The following AHCYL2 variants were observed in gnomAD, a reference collection of about 807,000 sequenced individuals.
The protein encoded by AHCYL2 is adenosylhomocysteinase like 2, also known as S-adenosylhomocysteine hydrolase-like protein 2.
In AHCYL2, 28 loss-of-function variants were observed where a neutral mutation model predicts 81.4. That is an observed-to-expected ratio of 0.34 (90% CI 0.25 to 0.47). The LOEUF (loss-of-function observed/expected upper bound fraction) is 0.47. AHCYL2 is among the 20% of genes least tolerant of loss of function. The pLI is 1.00. For synonymous variants in AHCYL2, 272 were observed against 290.2 expected, an observed-to-expected ratio of 0.94 and a Z score of 0.64; for missense variants, 551 against 785.1, an observed-to-expected ratio of 0.70 and a Z score of 3.56.
intron 2 of AHCYL2, among the ~76,000 whole-genome samples, chr7:129,381,404 G>A (rs993590004): frequency 6.6e-6 from 1 of 152,140 alleles, no homozygotes; most frequent in Non-Finnish European, 1.5e-5. Flanking sequence ...TAGTGGCTTG[G>A]CATAGCTCAT....
Position 129,413,609 on chromosome 7 carries a change from T to C in AHCYL2, c.1382T>C (p.Val461Ala), listed in dbSNP as rs749082333. ...VITCTGNKNV[V>A]TREHLDRMKN... Reference sequence around the variant, plus strand: ...TGTTTTTAAGGTAACAAGAATGTGGTAACCAGAGAGCACTTGGACCGTATG... The same window carrying C: ...TGTTTTTAAGGTAACAAGAATGTGGCAACCAGAGAGCACTTGGACCGTATG... Residue 461 changes from valine (V) to alanine (A), a missense_variant, in exon 12 of 17, where the codon GTA (valine) becomes GCA (alanine). By Grantham distance (64) the Val-to-Ala change is moderately conservative. Coordinates refer to ENST00000325006, the MANE Select transcript of AHCYL2 (RefSeq NM_015328.4). The C allele has an allele frequency of 4.3e-6, 7 of 1,613,972 alleles. No homozygotes were observed. The highest frequency in any genetic ancestry group is 1.6e-4 in the Middle Eastern group (1 of 6,084).
chr7:129,386,527 TTAACTG>T (rs1416780754), intron 2 of AHCYL2, among the ~76,000 whole-genome samples: 6 of 152,120 alleles, frequency 3.9e-5, no homozygotes, highest in Non-Finnish European at 1.5e-5. Context: ...ATTGGTTGAA[TTAACTG>T]TAACTACTTG....
chr7:129,394,835 A>G (rs1166531798), intron 4 of AHCYL2, among the ~76,000 whole-genome samples: 7 of 152,200 alleles, frequency 4.6e-5, no homozygotes, highest in African/African-American at 1.7e-4. Flanking sequence ...ATCCTTTAAC[A>G]TAAACATATT....
intron 1 of AHCYL2, among the ~76,000 whole-genome samples, chr7:129,252,416 T>G (rs1213882302): frequency 6.6e-6 from 1 of 152,236 alleles, no homozygotes; most frequent in African/African-American, 2.4e-5. Flanking sequence ...TCCTTTGGCT[T>G]AAAACCTACT....
Position 129,241,923 on chromosome 7 carries a change from C to G in AHCYL2, c.363+16484C>G, listed in dbSNP as rs1027849458. Among the ~76,000 whole-genome samples, 12 of 151,632 alleles carry G rather than the reference C, an allele frequency of 7.9e-5. No individual in the cohort carries two copies. The South Asian group carries it at 1.9e-3, about 24-fold the overall frequency. ...GTGTATTCCTTCTCTATTCATTCTCCTTTATCCCTTCTCTCCTTCCCATAA... is the reference window on the plus strand; with the variant it reads ...GTGTATTCCTTCTCTATTCATTCTCGTTTATCCCTTCTCTCCTTCCCATAA... On this transcript the variant is annotated intron_variant, in intron 1 of 16. Transcript: ENST00000325006.
intron 1 of AHCYL2, among the ~76,000 whole-genome samples, chr7:129,337,331 A>G (rs1798638222): frequency 6.6e-6 from 1 of 152,310 alleles, no homozygotes; most frequent in South Asian, 2.1e-4. Context: ...CAAAACATAT[A>G]TAGCTGCCTT....
chr7:129,348,320 A>AGGGGGAAAAG (rs1302662679), intron 1 of AHCYL2, among the ~76,000 whole-genome samples: 4 of 152,092 alleles, frequency 2.6e-5, no homozygotes, highest in African/African-American at 7.2e-5. Flanking sequence ...CTTCAAGATA[A>AGGGGGAAAAG]TGTTGAGGGG....
At chr7:129,251,138 A>G (rs1376822570) in intron 1 of AHCYL2, among the ~76,000 whole-genome samples, 6 of 152,174 alleles carry the variant, frequency 3.9e-5, no homozygotes, top group African/African-American at 1.4e-4. Flanking sequence ...ATCTATTCCC[A>G]TAAGATCCAC....
At chr7:129,326,069 A>G (rs1183460811) in intron 1 of AHCYL2, among the ~76,000 whole-genome samples, 1 of 151,940 alleles carries the variant, frequency 6.6e-6, no homozygotes, top group Non-Finnish European at 1.5e-5. Flanking sequence ...AATGTCTAAG[A>G]TTTTCTTCCT....
chr7:129,348,603 T>A (rs183888842), intron 1 of AHCYL2, among the ~76,000 whole-genome samples: 1 of 152,194 alleles, frequency 6.6e-6, no homozygotes, highest in Non-Finnish European at 1.5e-5. Flanking sequence ...ACCTATCTTA[T>A]GGGATTATCA....
intron 5 of AHCYL2, among the ~76,000 whole-genome samples, chr7:129,397,543 C>T (rs1795804744): frequency 6.6e-6 from 1 of 152,166 alleles, no homozygotes; most frequent in African/African-American, 2.4e-5. Flanking sequence ...CTACCTATGT[C>T]TAATATTCTA....
In AHCYL2 at chr7:129,387,222, C is replaced by T. The variant is rs545842896; in HGVS notation, c.476-1834C>T. Reference sequence around the variant, plus strand: ...TTTCTTTTTTGACTCACTGACTAGACTGAAAACTCCATGAAGATAAGGACC... The same window carrying T: ...TTTCTTTTTTGACTCACTGACTAGATTGAAAACTCCATGAAGATAAGGACC... On this transcript the variant is annotated intron_variant, in intron 2 of 16. Transcript: ENST00000325006. Among the ~76,000 whole-genome samples the T allele has an allele frequency of 3.9e-5, 6 of 152,346 alleles. No homozygotes were observed. The East Asian group carries it at 1.2e-3, about 29-fold the overall frequency.
chr7:129,415,056 C>G (rs1422695841), intron 12 of AHCYL2, among the ~76,000 whole-genome samples: 3 of 152,158 alleles, frequency 2.0e-5, no homozygotes, highest in African/African-American at 7.2e-5. Context: ...GTGGTATGGC[C>G]TTATTACTCT....
chr7:129,299,303 A>G (rs2150759740), intron 1 of AHCYL2, among the ~76,000 whole-genome samples: 1 of 144,350 alleles, frequency 6.9e-6, no homozygotes, highest in East Asian at 2.0e-4. Context: ...ACAAAAAACT[A>G]TCCGGGCATA....
intron 1 of AHCYL2, among the ~76,000 whole-genome samples, chr7:129,271,626 C>T (rs990718024): frequency 1.3e-5 from 2 of 151,960 alleles, no homozygotes; most frequent in African/African-American, 2.4e-5. Flanking sequence ...AACCCGGGTG[C>T]GGGTAACATT....
At chr7:129,417,775 A>G (rs1796927358) in intron 12 of AHCYL2, among the ~76,000 whole-genome samples, 1 of 152,200 alleles carries the variant, frequency 6.6e-6, no homozygotes, top group Admixed American at 6.5e-5. Context: ...TGTTTAGCAA[A>G]TTTATATTGA....
chr7:129,424,766 G>A, intron 13 of AHCYL2, 108 bp from the exon 14 acceptor site: 1 of 1,143,836 alleles, frequency 8.7e-7, no homozygotes. Flanking sequence ...TTCCAGCAGT[G>A]TTAGTCAGGA....
chr7:129,251,397 TTAGTG>T (rs1162826867), intron 1 of AHCYL2, among the ~76,000 whole-genome samples: 1 of 151,372 alleles, frequency 6.6e-6, no homozygotes, highest in African/African-American at 2.4e-5. Flanking sequence ...AGAGAAGTGA[TTAGTG>T]TAAACTGGCT....
Position 129,368,111 on chromosome 7 carries a change from T to G in AHCYL2, c.364-11527T>G, listed in dbSNP as rs1322923476. 9.8e-7 allele frequency: 1 copy of G among 1,022,602 alleles called. No individual in the cohort carries two copies. Among genetic ancestry groups the G allele is most frequent in the Non-Finnish European group, 1.2e-6 (1 of 853,732 alleles). 63.3% of individuals were successfully genotyped at this position (1,022,602 alleles called of 1,614,324 possible). On this transcript the variant is annotated intron_variant, in intron 1 of 16. Coordinates refer to ENST00000325006, the MANE Select transcript of AHCYL2 (RefSeq NM_015328.4). This position sits in a 1 kb window ranked among gnomAD's most constrained non-coding sequence, Gnocchi z 4.4. ...GGGTGGGAGAGAATTCACAAGTGCC[T>G]CACACACAGGGAAAGAAGGAAGTCC...
Sources: allele counts gnomAD v4.1 joint callset (sites outside exome capture counted in the v4.1 genomes callset), GRCh38; gene constraint gnomAD v4.1.1; non-coding constraint Gnocchi (gnomAD v3.1); transcripts MANE v1.5; gene names NCBI Gene and HGNC (gene_info 2026-07-23, HGNC 2026-07-21).